Variants in SYNPR observed in about 807,000 individuals in gnomAD.
The protein encoded by SYNPR is synaptoporin.
A neutral mutation model predicts 32.9 loss-of-function variants in SYNPR; 23 were observed. The observed-to-expected ratio is 0.70, with a 90% CI of 0.50 to 0.99. SYNPR has a LOEUF of 0.99. Ranked by LOEUF, SYNPR falls within the 50% of genes least tolerant of loss-of-function variation. The pLI, the probability that SYNPR is intolerant of heterozygous loss-of-function variation, is 0.00. For synonymous variants in SYNPR, 146 were observed against 135.9 expected (o/e 1.07, Z -0.52); for missense variants, 318 against 349.3 (o/e 0.91, Z 0.71).
At chr3:63,415,239 TCAA>T (rs2088525100) in intron 2 of SYNPR, among the ~76,000 whole-genome samples, 1 of 152,190 alleles carries the variant, frequency 6.6e-6, no homozygotes, top group Non-Finnish European at 1.5e-5. Flanking sequence ...AACACAGCAT[TCAA>T]CAACAGCATG....
chr3:63,226,422 T>C (rs1025331898), upstream of SYNPR, among the ~76,000 whole-genome samples: 1 of 152,140 alleles, frequency 6.6e-6, no homozygotes, highest in African/African-American at 2.4e-5. Context: ...TGCAGCACTA[T>C]TCACAATAGC....
chr3:63,276,408 C>A (rs2086574180), upstream of SYNPR, among the ~76,000 whole-genome samples: 1 of 152,140 alleles, frequency 6.6e-6, no homozygotes, highest in South Asian at 2.1e-4. Context: ...CTAATACATG[C>A]TGAGGGCTTA....
At chr3:63,574,651 C>T (rs1279666611) in intron 4 of SYNPR, among the ~76,000 whole-genome samples, 13 of 152,160 alleles carry the variant, frequency 8.5e-5, no homozygotes, top group Non-Finnish European at 1.5e-4. Flanking sequence ...TTGTTGGTTA[C>T]ATATCAGCCT....
rs182735997 is a variant in SYNPR, at chr3:63,432,998, C to T, written c.85-47834C>T. On this transcript the variant is annotated intron_variant, in intron 2 of 5. Coordinates refer to ENST00000478300, the MANE Select transcript of SYNPR (RefSeq NM_001130003.2). ...GTCAGGGTTTGGAACTGATAATCCACGTTCTTTTATAAGCTGCTCGGGTGA... is the reference window on the plus strand; with the variant it reads ...GTCAGGGTTTGGAACTGATAATCCATGTTCTTTTATAAGCTGCTCGGGTGA... 7.2e-5 allele frequency among the ~76,000 whole-genome samples: 11 copies of T among 152,312 alleles called. No homozygotes were observed. The East Asian group carries it at 1.7e-3, about 24-fold the overall frequency.
At chr3:63,537,975 A>G (rs1310060329) in intron 3 of SYNPR, among the ~76,000 whole-genome samples, 2 of 152,120 alleles carry the variant, frequency 1.3e-5, no homozygotes, top group African/African-American at 4.8e-5. Flanking sequence ...TAAGAGTTGA[A>G]TCATGAATCT....
chr3:63,205,281 C>A, the SYNPR span, among the ~76,000 whole-genome samples: 1 of 152,196 alleles, frequency 6.6e-6, no homozygotes, highest in African/African-American at 2.4e-5. Context: ...AAAATGATCC[C>A]TTAATATTTT....
intron 2 of SYNPR, among the ~76,000 whole-genome samples, chr3:63,441,752 G>A (rs1190916243): frequency 1.3e-5 from 2 of 152,206 alleles, no homozygotes; most frequent in African/African-American, 2.4e-5. Context: ...TGTACAGTTT[G>A]AAGAATTGGT....
intron 2 of SYNPR, among the ~76,000 whole-genome samples, chr3:63,256,229 C>G (rs142526153): frequency 2.4e-4 from 36 of 152,306 alleles, no homozygotes; most frequent in Middle Eastern, 3.4e-3. Context: ...CAGTGGTTCT[C>G]CCAGCACGCA....
chr3:63,334,236 T>C (rs1258510103), intron 2 of SYNPR, among the ~76,000 whole-genome samples: 1 of 152,226 alleles, frequency 6.6e-6, no homozygotes. Flanking sequence ...GAGGCAAATC[T>C]ATGTGCTTGT....
In SYNPR at chr3:63,363,007, T is replaced by C. The variant is rs193223717; in HGVS notation, c.84+84265T>C. Among the ~76,000 whole-genome samples the C allele has an allele frequency of 5.1e-4, 77 of 152,326 alleles. 1 individual carries two copies. Among genetic ancestry groups the C allele is most frequent in the African/African-American group, 1.8e-3 (73 of 41,580 alleles). ...TTGCAGGAATATGGAGACTGAACTGTAGTAAGTAGAATGTCTGTAATATTC... is the reference window on the plus strand; with the variant it reads ...TTGCAGGAATATGGAGACTGAACTGCAGTAAGTAGAATGTCTGTAATATTC... On this transcript the variant is annotated intron_variant, in intron 2 of 5. Coordinates refer to ENST00000478300, the MANE Select transcript of SYNPR (RefSeq NM_001130003.2).
intron 2 of SYNPR, among the ~76,000 whole-genome samples, chr3:63,447,792 T>C (rs1700306220): frequency 6.6e-6 from 1 of 151,966 alleles, no homozygotes; most frequent in African/African-American, 2.4e-5. Flanking sequence ...TATTGGAAAA[T>C]TGTTCAGGGG....
At chr3:63,613,174 A>G (rs1700226534) in intron 5 of SYNPR, among the ~76,000 whole-genome samples, 1 of 150,906 alleles carries the variant, frequency 6.6e-6, no homozygotes. Flanking sequence ...TTAAGAGACA[A>G]GGTCTTGCTA....
chr3:63,599,009 T>C (rs1575731109), intron 4 of SYNPR, among the ~76,000 whole-genome samples: 1 of 152,284 alleles, frequency 6.6e-6, no homozygotes, highest in East Asian at 1.9e-4. Flanking sequence ...TTACATAGCA[T>C]TAAATAACAC....
At chr3:63,464,849 A>G (rs1055960451) in intron 2 of SYNPR, among the ~76,000 whole-genome samples, 5 of 152,202 alleles carry the variant, frequency 3.3e-5, no homozygotes, top group Non-Finnish European at 5.9e-5. Flanking sequence ...AGCAGTATAC[A>G]TTTAATTTGG....
intron 2 of SYNPR, among the ~76,000 whole-genome samples, chr3:63,329,065 A>G (rs1202942162): frequency 1.3e-5 from 2 of 152,206 alleles, no homozygotes; most frequent in Non-Finnish European, 2.9e-5. Flanking sequence ...TATAAAAGTA[A>G]TAACTATTAT....
chr3:63,358,190 C>A (rs189969627), intron 2 of SYNPR, among the ~76,000 whole-genome samples: 1 of 152,202 alleles, frequency 6.6e-6, no homozygotes, highest in East Asian at 1.9e-4. Context: ...TAACAAATTA[C>A]CACAAACTTA....
intron 2 of SYNPR, among the ~76,000 whole-genome samples, chr3:63,300,255 T>C (rs1235836422): frequency 6.6e-6 from 1 of 152,098 alleles, no homozygotes; most frequent in Non-Finnish European, 1.5e-5. Context: ...TTTTATAAAA[T>C]TTATTACTCA....
In SYNPR at chr3:63,506,703, A is replaced by G. The variant is rs139489335; in HGVS notation, c.209+25747A>G. Among the ~76,000 whole-genome samples, 170 of 152,338 alleles carry G rather than the reference A, an allele frequency of 1.1e-3. 1 individual carries two copies. Among genetic ancestry groups the G allele is most frequent in the African/African-American group, 3.6e-3 (148 of 41,584 alleles). On this transcript the variant is annotated intron_variant, in intron 3 of 5. Transcript: ENST00000478300. ...TAACGTCACACAATTAGTTTTTCAT[A>G]TGGCATACTTTGGGAAATGCGGAGT...
At chr3:63,595,720 TATATATATATATATA>T (rs1559546095) in intron 4 of SYNPR, among the ~76,000 whole-genome samples, 9 of 9,746 alleles carry the variant, frequency 9.2e-4, no homozygotes, top group African/African-American at 1.3e-3. Flanking sequence ...TCTTATTTTA[TATATATATATATATA>T]TATATATATA....
Sources: gnomAD v4.1 joint callset for allele counts (sites outside exome capture counted in the v4.1 genomes callset) on GRCh38, gnomAD v4.1.1 for gene constraint, MANE v1.5 for transcripts, NCBI Gene and HGNC (gene_info 2026-07-23, HGNC 2026-07-21) for gene names.